Variants in MYO15B observed in about 807,000 individuals in gnomAD.
MYO15B encodes the protein myosin XVB.
In MYO15B, 207 loss-of-function variants were observed where a neutral mutation model predicts 119.3. The observed-to-expected ratio is 1.73, with a 90% CI of 1.55 to 1.95. The LOEUF is 1.95. Among genes scored for constraint, MYO15B ranks in the 30% most tolerant of loss-of-function variants. The pLI, the probability that MYO15B is intolerant of heterozygous loss-of-function variation, is 0.00. For synonymous variants in MYO15B, 966 were observed against 498.9 expected, an observed-to-expected ratio of 1.94 and a Z score of -12.48; for missense variants, 2,264 against 1,203.1, an observed-to-expected ratio of 1.88 and a Z score of -13.04.
intron 25 of MYO15B, 98 bp downstream of exon 25, chr17:75,612,114 G>A (rs1227463921): frequency 3.0e-6 from 2 of 657,806 alleles, no homozygotes; most frequent in African/African-American, 3.6e-5. Flanking sequence ...GTCAGCTCTT[G>A]CCCTCCTTCC....
At chr17:75,613,459 T>G (rs1217567618) in exon 28 of MYO15B, 1 of 682,452 alleles carries the variant, frequency 1.5e-6, no homozygotes, top group African/African-American at 1.8e-5. Context: ...GCTGGATGTG[T>G]TCACCTTCAG....
In MYO15B at chr17:75,624,407, CG is replaced by C. The variant is rs1197474921; in HGVS notation, c.8411del (p.Gly2804ValfsTer13). The C allele has an allele frequency of 1.3e-5, 9 of 702,344 alleles. No homozygotes were observed. Among genetic ancestry groups the C allele is most frequent in the Admixed American group, 4.0e-5 (2 of 49,990 alleles). The allele number at this position is 702,344 out of a possible 1,614,324, so 43.5% of individuals were successfully genotyped here. ...ATTCGCCTGCTTCTTATTCACCTGCCGGGGGGTGTGGATTATAGGACGAATA... is the reference window on the plus strand; with the variant it reads ...ATTCGCCTGCTTCTTATTCACCTGCCGGGGGTGTGGATTATAGGACGAATA... On this transcript the variant is annotated frameshift_variant, in exon 57 of 64. Transcript: ENST00000645453. LOFTEE classifies it high-confidence loss of function.
chr17:75,588,611 A>C (rs2056211458), exon 1 of MYO15B: 1 of 399,770 alleles, frequency 2.5e-6, no homozygotes, highest in Non-Finnish European at 4.4e-6. Flanking sequence ...CCCACGCCGG[A>C]GCCTACGGAC....
At chr17:75,605,030 G>C in intron 19 of MYO15B, among the ~76,000 whole-genome samples, 1 of 152,158 alleles carries the variant, frequency 6.6e-6, no homozygotes, top group East Asian at 1.9e-4. Context: ...CCAGCTACTC[G>C]GGAGGCTGAG....
chr17:75,621,160 C>T (rs563910707), exon 50 of MYO15B: 34 of 697,828 alleles, frequency 4.9e-5, no homozygotes, highest in South Asian at 2.2e-4. Flanking sequence ...GCGTTACTTC[C>T]GGAGGTCCCA....
intron 19 of MYO15B, among the ~76,000 whole-genome samples, chr17:75,604,962 A>AC (rs2057531146): frequency 6.7e-6 from 1 of 150,288 alleles, no homozygotes. Context: ...ATATAGAGAA[A>AC]CCCCGTCTCT....
intron 5 of MYO15B, 125 bp from the exon 6 acceptor site, chr17:75,591,852 G>T (rs1339163802): frequency 1.2e-5 from 8 of 668,902 alleles, no homozygotes; most frequent in Non-Finnish European, 2.2e-5. Flanking sequence ...GCGTCTCCTG[G>T]GGTCAGCTGC....
intron 41 of MYO15B, chr17:75,617,553 C>A (rs1224595975): frequency 3.0e-5 from 12 of 396,744 alleles, no homozygotes; most frequent in South Asian, 8.7e-5. Context: ...CTGACACATA[C>A]CCGACAGCTC....
intron 13 of MYO15B, 33 bp downstream of exon 13, chr17:75,596,588 C>G (rs577882899): frequency 1.3e-5 from 9 of 702,186 alleles, no homozygotes; most frequent in Admixed American, 2.0e-5. Context: ...TGGCAGGGGC[C>G]GCTCAGGCAT....
At chr17:75,595,257 A>G (rs534663087) in intron 12 of MYO15B, among the ~76,000 whole-genome samples, 5 of 152,106 alleles carry the variant, frequency 3.3e-5, no homozygotes, top group Non-Finnish European at 7.4e-5. Context: ...CCTCCAGAGG[A>G]CGATGCCCCT....
chr17:75,601,673 G>A (rs1356077511), intron 15 of MYO15B, 110 bp downstream of exon 15: 1 of 640,172 alleles, frequency 1.6e-6, no homozygotes, highest in African/African-American at 1.8e-5. Context: ...CCCTTGCAAG[G>A]CTTGGACACC....
exon 58 of MYO15B, chr17:75,624,573 C>T (rs1208155880): frequency 4.7e-5 from 33 of 702,872 alleles, no homozygotes; most frequent in East Asian, 3.8e-4. Flanking sequence ...GGAGCTGTGC[C>T]GGCAAATGGG....
intron 59 of MYO15B, 22 bp downstream of exon 59, chr17:75,624,938 C>G (rs2058938095): frequency 2.9e-6 from 2 of 700,344 alleles, no homozygotes; most frequent in Non-Finnish European, 5.2e-6. Context: ...TGCCTCCGAG[C>G]TGCTGCTGCA....
exon 56 of MYO15B, chr17:75,624,181 C>G: frequency 1.4e-6 from 1 of 702,962 alleles, no homozygotes; most frequent in South Asian, 1.5e-5. Context: ...GCAGAGCTGG[C>G]CCGGAGCAGC....
chr17:75,624,413 G>A (rs1022956447), exon 57 of MYO15B: 14 of 702,496 alleles, frequency 2.0e-5, no homozygotes, highest in Middle Eastern at 2.3e-4. Context: ...CTGCCGGGGG[G>A]TGTGGATTAT....
chr17:75,610,871 A>G (rs761726963), intron 22 of MYO15B, 29 bp from the exon 23 acceptor site: 1 of 702,974 alleles, frequency 1.4e-6, no homozygotes, highest in East Asian at 2.7e-5. Context: ...CATGGGAGGC[A>G]TCAGCTCTTC....
At position 75,615,355 on chromosome 17, in the gene MYO15B, G is replaced by A. The variant is rs1568194742; in HGVS notation, c.5740+17G>A. ...CCATGCCAGGTAAGTCTGGGCTGGG[G>A]GCACCAGAGTCCCTTCTCAGGAGAG... On this transcript the variant is annotated intron_variant, in intron 34 of 63. Transcript: ENST00000645453. The A allele has an allele frequency of 2.9e-6, 2 of 700,790 alleles. No individual in the cohort carries two copies. The highest frequency in any genetic ancestry group is 2.7e-5 in the East Asian group (1 of 37,234). The allele number at this position is 700,790 out of a possible 1,614,324, so 43.4% of individuals were successfully genotyped here. A position where few individuals can be genotyped will look rare whatever the true frequency, so the allele number is the denominator to read the frequency against.
At chr17:75,593,125 C>A in intron 9 of MYO15B, 1 of 256,630 alleles carries the variant, frequency 3.9e-6, no homozygotes, top group Non-Finnish European at 7.2e-6. Flanking sequence ...TTTGGGAGGC[C>A]GAGGCAGGAG....
intron 9 of MYO15B, chr17:75,593,074 CT>C (rs2056582360): frequency 8.3e-6 from 4 of 481,806 alleles, no homozygotes; most frequent in Non-Finnish European, 1.5e-5. Flanking sequence ...AGATGAGCAG[CT>C]ATGGTCAGGC....
Sources: allele counts gnomAD v4.1 joint callset (sites outside exome capture counted in the v4.1 genomes callset), GRCh38; gene constraint gnomAD v4.1.1; transcripts MANE v1.5; gene names NCBI Gene and HGNC (gene_info 2026-07-23, HGNC 2026-07-21).